The following NAALADL2 variants were observed in gnomAD, a reference collection of about 807,000 sequenced individuals.
NAALADL2 encodes the protein inactive N-acetylated-alpha-linked acidic dipeptidase-like protein 2.
A neutral mutation model predicts 87.2 loss-of-function variants in NAALADL2; 76 were observed. The ratio of observed to expected loss-of-function variants is 0.87; its 90% CI spans 0.72 to 1.05. The LOEUF is 1.05. Ranked by LOEUF, NAALADL2 falls within the 50% of genes least tolerant of loss-of-function variation. NAALADL2 has a pLI of 0.00. For missense variants in NAALADL2, 1,089 were observed against 945.8 expected (o/e 1.15, Z -1.99); for synonymous variants, 354 against 331.0 (o/e 1.07, Z -0.75).
intron 1 of NAALADL2, among the ~76,000 whole-genome samples, chr3:174,471,089 C>T (rs1716867910): frequency 6.6e-6 from 1 of 152,044 alleles, no homozygotes; most frequent in South Asian, 2.1e-4. Context: ...TGCCCTCCAG[C>T]AGTGCTCCTA....
At chr3:175,600,513 A>T (rs1423309166) in intron 10 of NAALADL2, among the ~76,000 whole-genome samples, 1 of 130,300 alleles carries the variant, frequency 7.7e-6, no homozygotes, top group Non-Finnish European at 1.6e-5. Context: ...TGTCCCACAA[A>T]TGTGTCTTAG....
At position 174,851,951 on chromosome 3, in the gene NAALADL2, A is replaced by G. The variant is rs548540266; in HGVS notation, c.-9+114205A>G. Among the ~76,000 whole-genome samples the G allele has an allele frequency of 5.9e-5, 9 of 152,258 alleles. No homozygotes were observed. The South Asian group carries it at 1.7e-3, about 28-fold the overall frequency. On this transcript the variant is annotated intron_variant, in intron 3 of 3. Transcript: ENST00000434257. ...TGCAAATCAATCATTGTGATACATT[A>G]CTTTAACAGAATGAAGGAGAAAATC... is the stretch of plus-strand genomic sequence containing the variant.
intron 2 of NAALADL2, among the ~76,000 whole-genome samples, chr3:175,170,447 TATAA>T (rs1480083452): frequency 5.5e-5 from 8 of 146,730 alleles, no homozygotes; most frequent in East Asian, 1.9e-4. Flanking sequence ...TATATAAATA[TATAA>T]ATAAATATAA....
intron 2 of NAALADL2, among the ~76,000 whole-genome samples, chr3:175,200,338 C>A (rs919775517): frequency 7.2e-5 from 11 of 152,152 alleles, no homozygotes; most frequent in Middle Eastern, 3.4e-3. Context: ...AATCCTTTCT[C>A]ACTAGGTTAA....
intron 1 of NAALADL2, among the ~76,000 whole-genome samples, chr3:174,530,458 G>A (rs116650559): frequency 1.2e-4 from 19 of 152,104 alleles, no homozygotes; most frequent in Middle Eastern, 6.8e-3. Context: ...CCACATTTTC[G>A]GATATCTTTT....
intron 11 of NAALADL2, among the ~76,000 whole-genome samples, chr3:175,736,982 A>G (rs886599061): frequency 6.6e-6 from 1 of 152,178 alleles, no homozygotes; most frequent in African/African-American, 2.4e-5. Flanking sequence ...ATGTGATACT[A>G]CGAACTGTAA....
At chr3:175,467,757 C>G (rs997058370) in intron 8 of NAALADL2, among the ~76,000 whole-genome samples, 1 of 152,086 alleles carries the variant, frequency 6.6e-6, no homozygotes, top group African/African-American at 2.4e-5. Flanking sequence ...CCTTAGGGAA[C>G]CTGTATCCAA....
chr3:175,685,456 G>T (rs1157389159), intron 11 of NAALADL2, among the ~76,000 whole-genome samples: 1 of 98,436 alleles, frequency 1.0e-5, no homozygotes, highest in Non-Finnish European at 1.8e-5. Context: ...GGAGGTGTGT[G>T]TGTGTGTGTG....
At chr3:174,990,171 C>T (rs1579898581) in intron 1 of NAALADL2, among the ~76,000 whole-genome samples, 1 of 152,106 alleles carries the variant, frequency 6.6e-6, no homozygotes, top group East Asian at 1.9e-4. Context: ...TGATAAACAC[C>T]TCCATTAGAT....
chr3:174,500,673 G>A (rs985784581), intron 1 of NAALADL2, among the ~76,000 whole-genome samples: 3 of 151,912 alleles, frequency 2.0e-5, no homozygotes, highest in African/African-American at 7.3e-5. Flanking sequence ...AAATTTTATC[G>A]TGAATGGATA....
chr3:175,431,635 G>A (rs754702602), intron 5 of NAALADL2, among the ~76,000 whole-genome samples: 4 of 151,984 alleles, frequency 2.6e-5, no homozygotes, highest in Admixed American at 2.0e-4. Flanking sequence ...TCACAGTAAC[G>A]TGTGGACTAT....
In NAALADL2 at chr3:174,605,675, G is replaced by C. The variant is rs1578287426; in HGVS notation, c.-115+55038G>C. Among the ~76,000 whole-genome samples, 5 of 152,250 alleles carry C rather than the reference G, an allele frequency of 3.3e-5. 1 individual carries two copies. Among genetic ancestry groups the C allele is most frequent in the Admixed American group, 3.3e-4 (5 of 15,300 alleles). ...CACAGCAGCCAGGAAGCTCGAACTG[G>C]GTGGAGCCCACCACAGCTCAAGGAG... is the stretch of plus-strand genomic sequence containing the variant. On this transcript the variant is annotated intron_variant, in intron 2 of 3. Transcript: ENST00000434257.
chr3:175,111,812 T>G (rs1426106931), intron 2 of NAALADL2, among the ~76,000 whole-genome samples: 1 of 151,626 alleles, frequency 6.6e-6, no homozygotes, highest in African/African-American at 2.4e-5. Flanking sequence ...GTGCCAGTAC[T>G]ATATTTTGGT....
chr3:175,105,189 C>T (rs778680890), intron 2 of NAALADL2, among the ~76,000 whole-genome samples: 1 of 152,032 alleles, frequency 6.6e-6, no homozygotes, highest in Non-Finnish European at 1.5e-5. Flanking sequence ...TCTCTATTTG[C>T]CTTTGCAACC....
At chr3:175,331,554 C>G (rs937915725) in intron 5 of NAALADL2, among the ~76,000 whole-genome samples, 6 of 152,122 alleles carry the variant, frequency 3.9e-5, no homozygotes, top group African/African-American at 1.4e-4. Flanking sequence ...TTGGTAAATT[C>G]AACACTCCAT....
intron 2 of NAALADL2, among the ~76,000 whole-genome samples, chr3:175,200,372 T>C (rs945455700): frequency 1.3e-5 from 2 of 152,160 alleles, no homozygotes; most frequent in South Asian, 2.1e-4. Context: ...CTCTCTTTTT[T>C]TCTTTAAGCA....
At chr3:174,663,991 G>T (rs1017947126) in intron 2 of NAALADL2, among the ~76,000 whole-genome samples, 11 of 151,950 alleles carry the variant, frequency 7.2e-5, no homozygotes, top group African/African-American at 2.2e-4. Flanking sequence ...GTTTCACCAT[G>T]TTGGTCAGGC....
intron 5 of NAALADL2, among the ~76,000 whole-genome samples, chr3:175,400,751 T>C (rs145991588): frequency 3.9e-5 from 6 of 152,240 alleles, no homozygotes; most frequent in Non-Finnish European, 5.9e-5. Context: ...CAGTTAATAA[T>C]GCCACTCTTC....
chr3:175,803,867 TTTTTC>T lies in NAALADL2; in HGVS notation c.*665_*669del. ...ACATAGAGCAATTTAAATGCAAATT[TTTTTC>T]CTAACAACTTACAAGGTGACTAGCT... On this transcript the variant is annotated 3_prime_UTR_variant, in exon 14 of 14. Coordinates refer to ENST00000454872, the MANE Select transcript of NAALADL2 (RefSeq NM_207015.3). The T allele has an allele frequency of 6.9e-6, 1 of 145,918 alleles. No individual in the cohort carries two copies. The highest frequency in any genetic ancestry group is 6.8e-5 in the Admixed American group (1 of 14,726). The allele number at this position is 145,918 out of a possible 1,614,324, so 9.0% of individuals were successfully genotyped here. A position where few individuals can be genotyped will look rare whatever the true frequency, so the allele number is the denominator to read the frequency against.
Sources: allele counts gnomAD v4.1 joint callset (sites outside exome capture counted in the v4.1 genomes callset), GRCh38; gene constraint gnomAD v4.1.1; transcripts MANE v1.5; gene names NCBI Gene and HGNC (gene_info 2026-07-23, HGNC 2026-07-21).